BCR: variants seen among roughly 807,000 people sequenced by gnomAD.
BCR encodes breakpoint cluster region protein.
A neutral mutation model predicts 138.6 loss-of-function variants in BCR; 58 were observed. The observed-to-expected ratio is 0.42, with a 90% CI of 0.34 to 0.52. BCR has a LOEUF of 0.52. Ranked by LOEUF, BCR falls within the 20% of genes least tolerant of loss-of-function variation. The probability of loss-of-function intolerance (pLI) is 0.06; values close to 1 mark genes in which losing one functional copy is unlikely to be tolerated. For synonymous variants in BCR, 786 were observed against 730.1 expected, an observed-to-expected ratio of 1.08 and a Z score of -1.23; for missense variants, 1,599 against 1,727.2, an observed-to-expected ratio of 0.93 and a Z score of 1.32.
intron 16 of BCR, among the ~76,000 whole-genome samples, chr22:23,303,712 G>A (rs1010159047): frequency 6.6e-6 from 1 of 152,140 alleles, no homozygotes; most frequent in Non-Finnish European, 1.5e-5. Context: ...CAGATTCCAC[G>A]GGATTCTTCT....
At chr22:23,188,424 T>C (rs924630536) in intron 1 of BCR, among the ~76,000 whole-genome samples, 3 of 152,194 alleles carry the variant, frequency 2.0e-5, no homozygotes, top group African/African-American at 7.2e-5. Context: ...CCTTCCTTGG[T>C]TGGAAGTCCT....
chr22:23,307,330 A>G (rs1231675540), intron 16 of BCR, among the ~76,000 whole-genome samples: 1 of 151,826 alleles, frequency 6.6e-6, no homozygotes, highest in Non-Finnish European at 1.5e-5. Flanking sequence ...TCTTAAACTC[A>G]TGGGCTCAAG....
intron 16 of BCR, among the ~76,000 whole-genome samples, chr22:23,308,897 G>C (rs558432126): frequency 6.6e-4 from 101 of 152,284 alleles, no homozygotes; most frequent in Admixed American, 2.0e-3. Context: ...CTCATCAGCT[G>C]CTTGATTTAG....
intron 12 of BCR, among the ~76,000 whole-genome samples, chr22:23,288,843 C>T (rs1016553121): frequency 1.3e-5 from 2 of 152,202 alleles, no homozygotes; most frequent in Non-Finnish European, 2.9e-5. Flanking sequence ...AAGGCAGACC[C>T]GGTTCCCTCC....
At position 23,181,631 on chromosome 22, in the gene BCR, G is replaced by A; in HGVS notation, c.671G>A (p.Gly224Glu). 6.2e-7 allele frequency: 1 copy of A among 1,610,956 alleles called. No individual in the cohort carries two copies. ...KSQHGAGSSVGDASRPPYRGR... is the reference protein window; with the variant it reads ...KSQHGAGSSVEDASRPPYRGR... ...CAGCACGGCGCGGGCTCGAGCGTGG[G>A]GGATGCATCCAGGCCCCCTTACCGG... Residue 224 changes from glycine (G) to glutamate (E), a missense_variant, in exon 1 of 23, where the codon GGG becomes GAG. By Grantham distance (98) the Gly-to-Glu change is moderately conservative (BLOSUM62 -2). This residue lies in a region of BCR where 806 missense variants were observed against 635.0 expected (regional missense o/e 1.27). Transcript: ENST00000305877.
intron 1 of BCR, among the ~76,000 whole-genome samples, chr22:23,243,647 A>C (rs1019470443): frequency 4.2e-5 from 6 of 143,726 alleles, no homozygotes; most frequent in Non-Finnish European, 9.2e-5. Context: ...CTGTTCTAGC[A>C]ATTTTTTTTT....
intron 1 of BCR, among the ~76,000 whole-genome samples, chr22:23,195,608 C>T (rs1363468203): frequency 6.7e-5 from 10 of 150,056 alleles, no homozygotes; most frequent in Middle Eastern, 3.6e-3. Context: ...AAAAACCGGC[C>T]GGGCGCGGTG....
chr22:23,314,684 T>G lies in BCR; in HGVS notation c.3696T>G (p.Thr1232=). 1 of 1,611,658 alleles carries G rather than the reference T, an allele frequency of 6.2e-7. No individual in the cohort carries two copies. Among genetic ancestry groups the G allele is most frequent in the Non-Finnish European group, 8.5e-7 (1 of 1,179,818 alleles). Residue 1232 remains threonine (T), a synonymous_variant, in exon 22 of 23, where the codon ACT becomes ACG. Coordinates refer to ENST00000305877, the MANE Select transcript of BCR (RefSeq NM_004327.4). ...PANPSQPITM[T]DSWSLEVMSQ... ...ACCCCAGCCAGCCTATCACCATGACTGACAGCTGGTCCTTGGAGGTCATGT... is the reference window on the plus strand; with the variant it reads ...ACCCCAGCCAGCCTATCACCATGACGGACAGCTGGTCCTTGGAGGTCATGT...
intron 15 of BCR, among the ~76,000 whole-genome samples, chr22:23,294,816 G>A (rs975617766): frequency 1.3e-5 from 2 of 152,204 alleles, no homozygotes; most frequent in African/African-American, 2.4e-5. Context: ...GGAGCTTCTG[G>A]AAGCATCCGG....
chr22:23,275,249 C>T (rs889089421), intron 8 of BCR, among the ~76,000 whole-genome samples: 6 of 152,246 alleles, frequency 3.9e-5, no homozygotes, highest in African/African-American at 1.2e-4. Flanking sequence ...TTCCGCTCTC[C>T]GGCTTGTCCA....
intron 1 of BCR, chr22:23,199,355 G>A (rs754416425): frequency 1.9e-6 from 1 of 515,022 alleles, no homozygotes; most frequent in Non-Finnish European, 3.9e-6. Flanking sequence ...CGGCCCTTGT[G>A]AGCCCCGCGG....
chr22:23,305,704 G>C (rs966603702), intron 16 of BCR, among the ~76,000 whole-genome samples: 1 of 152,146 alleles, frequency 6.6e-6, no homozygotes, highest in Non-Finnish European at 1.5e-5. Flanking sequence ...TTCTTTCAAG[G>C]CTCCTGCCTT....
At chr22:23,243,694 G>C (rs947071171) in intron 1 of BCR, among the ~76,000 whole-genome samples, 2 of 151,378 alleles carry the variant, frequency 1.3e-5, no homozygotes, top group Non-Finnish European at 1.5e-5. Flanking sequence ...TGTTGCCCAG[G>C]CTGGAGTGCA....
intron 1 of BCR, among the ~76,000 whole-genome samples, chr22:23,238,865 T>C (rs1354238550): frequency 3.3e-5 from 5 of 149,980 alleles, no homozygotes; most frequent in Non-Finnish European, 7.4e-5. Flanking sequence ...GCTTGCAGCT[T>C]GCAAGGGGGG....
At chr22:23,233,062 A>T (rs765161551) in intron 1 of BCR, among the ~76,000 whole-genome samples, 1 of 152,232 alleles carries the variant, frequency 6.6e-6, no homozygotes, top group African/African-American at 2.4e-5. Flanking sequence ...TTTCCAGACA[A>T]TTGGGATCCT....
chr22:23,192,504 C>T (rs568469075), intron 1 of BCR, among the ~76,000 whole-genome samples: 1 of 152,350 alleles, frequency 6.6e-6, no homozygotes, highest in South Asian at 2.1e-4. Flanking sequence ...CCTCATTAAC[C>T]TAAGTGCCAT....
intron 1 of BCR, among the ~76,000 whole-genome samples, chr22:23,236,438 C>T (rs1464317715): frequency 6.6e-6 from 1 of 152,180 alleles, no homozygotes; most frequent in South Asian, 2.1e-4. Context: ...ATCCACTTGT[C>T]CTAATAGACC....
chr22:23,235,138 T>C (rs889141911), intron 1 of BCR, among the ~76,000 whole-genome samples: 1 of 144,050 alleles, frequency 6.9e-6, no homozygotes, highest in Non-Finnish European at 1.6e-5. Context: ...AGTCTCTCGC[T>C]CTGTCACCCA....
chr22:23,311,956 CTGTGT>C, intron 19 of BCR, 120 bp downstream of exon 19: 2 of 1,464,186 alleles, frequency 1.4e-6, no homozygotes, highest in African/African-American at 1.4e-5. Flanking sequence ...TCTTCATTTA[CTGTGT>C]TATTATTTTT....
Sources: allele counts gnomAD v4.1 joint callset (sites outside exome capture counted in the v4.1 genomes callset), GRCh38; gene constraint gnomAD v4.1.1; regional missense constraint gnomAD v4.1.1; transcripts MANE v1.5; gene names NCBI Gene and HGNC (gene_info 2026-07-23, HGNC 2026-07-21).